The following CFHR2 variants were observed in gnomAD, a reference collection of about 807,000 sequenced individuals.
CFHR2 encodes complement factor H-related protein 2.
Under a neutral mutation model 21.7 loss-of-function variants are expected in CFHR2, and 22 were observed. The observed-to-expected ratio is 1.01, with a 90% CI of 0.72 to 1.45. The LOEUF is 1.45. Among genes scored for constraint, CFHR2 ranks in the 40% most tolerant of loss-of-function variants. The probability of loss-of-function intolerance (pLI) is 0.00; values close to 1 mark genes in which losing one functional copy is unlikely to be tolerated. For synonymous variants in CFHR2, 98 were observed against 97.4 expected, an observed-to-expected ratio of 1.01 and a Z score of -0.04; for missense variants, 294 against 293.3, an observed-to-expected ratio of 1.00 and a Z score of -0.02.
At chr1:196,953,488 G>A (rs78099544) in intron 3 of CFHR2, among the ~76,000 whole-genome samples, 2,830 of 152,134 alleles carry the variant, frequency 0.019, 88 homozygotes, top group African/African-American at 0.064. Context: ...TCACCAAATT[G>A]GCCAGGCTGG....
chr1:196,958,752 C>T, intron 4 of CFHR2, 129 bp from the exon 5 acceptor site: 4 of 609,188 alleles, frequency 6.6e-6, no homozygotes, highest in Non-Finnish European at 8.6e-6. Context: ...TTTGTTTTTA[C>T]AGCATTAGTT....
intron 1 of CFHR2, among the ~76,000 whole-genome samples, chr1:196,949,211 G>A (rs188313750): frequency 2.3e-3 from 346 of 152,148 alleles, no homozygotes; most frequent in Non-Finnish European, 3.4e-3. Flanking sequence ...TTGCAGGAGA[G>A]TTCATATTTC....
intron 3 of CFHR2, among the ~76,000 whole-genome samples, chr1:196,956,830 G>T (rs189558134): frequency 2.1e-4 from 32 of 150,800 alleles, no homozygotes; most frequent in Admixed American, 1.9e-3. Context: ...ATTTATTCTA[G>T]ATATTTTAGG....
In CFHR2 at chr1:196,948,332, G is replaced by T. The variant is rs116420446; in HGVS notation, c.59-1123G>T. Reference sequence around the variant, plus strand: ...TCTGTCGCCCCCAGGATGGTGTTTAGTGGCATGATCTCGGCTCACTGCAAC... The same window carrying T: ...TCTGTCGCCCCCAGGATGGTGTTTATTGGCATGATCTCGGCTCACTGCAAC... On this transcript the variant is annotated intron_variant, in intron 1 of 4. Transcript: ENST00000367415. Among the ~76,000 whole-genome samples, 1,154 of 152,050 alleles carry T rather than the reference G, an allele frequency of 7.6e-3. 18 individuals are homozygous for T. Among genetic ancestry groups the T allele is most frequent in the African/African-American group, 0.027 (1,102 of 41,466 alleles).
chr1:196,951,153 T>A, intron 3 of CFHR2, 125 bp downstream of exon 3: 1 of 1,176,654 alleles, frequency 8.5e-7, no homozygotes, highest in Non-Finnish European at 1.2e-6. Flanking sequence ...ATTATTCATT[T>A]GATTCTCAGT....
At chr1:196,946,298 T>C (rs1176600386) in intron 1 of CFHR2, among the ~76,000 whole-genome samples, 1 of 152,236 alleles carries the variant, frequency 6.6e-6, no homozygotes, top group Non-Finnish European at 1.5e-5. Context: ...CAGGTGGTTT[T>C]TGGTTACATG....
In CFHR2 at chr1:196,951,035, G is replaced by A. The variant is rs115541863; in HGVS notation, c.430+7G>A. 1,969 of 1,613,906 alleles carry A rather than the reference G, an allele frequency of 1.2e-3. 25 individuals carry two copies. The African/African-American group carries it at 0.024, about 19-fold the overall frequency. On this transcript the variant is annotated splice_region_variant and intron_variant, in intron 3 of 4. Coordinates refer to ENST00000367415, the MANE Select transcript of CFHR2 (RefSeq NM_005666.4). ...CCCAAATGCAGGTCCACTAGTAAGT[G>A]CAATGTTGTTCTCTCAGATGCTGTT...
chr1:196,951,262 G>A (rs1310141318), intron 3 of CFHR2, among the ~76,000 whole-genome samples: 1 of 152,130 alleles, frequency 6.6e-6, no homozygotes, highest in Non-Finnish European at 1.5e-5. Flanking sequence ...AATACACCTT[G>A]AAGATAATCC....
intron 1 of CFHR2, among the ~76,000 whole-genome samples, chr1:196,944,772 C>T (rs1408839193): frequency 6.6e-6 from 1 of 151,804 alleles, no homozygotes; most frequent in Admixed American, 6.6e-5. Flanking sequence ...TTTATTTGAA[C>T]AGTTTCTCAT....
chr1:196,952,709 T>C (rs1259791948), intron 3 of CFHR2, among the ~76,000 whole-genome samples: 1 of 152,256 alleles, frequency 6.6e-6, no homozygotes, highest in Non-Finnish European at 1.5e-5. Context: ...GTTTAATTCA[T>C]GTTTTCCCTG....
intron 1 of CFHR2, among the ~76,000 whole-genome samples, chr1:196,946,885 T>C (rs1161573625): frequency 6.6e-6 from 1 of 152,260 alleles, no homozygotes; most frequent in Non-Finnish European, 1.5e-5. Flanking sequence ...CATCATCAAG[T>C]ATTATGTACT....
At position 196,952,083 on chromosome 1, in the gene CFHR2, A is replaced by G. The variant is rs114014071; in HGVS notation, c.430+1055A>G. ...TATGCCTTTCAAAAGATGTTATGTTATCAAATATTATTCCACACCTTTAAT... is the reference window on the plus strand; with the variant it reads ...TATGCCTTTCAAAAGATGTTATGTTGTCAAATATTATTCCACACCTTTAAT... On this transcript the variant is annotated intron_variant, in intron 3 of 4. Transcript: ENST00000367415. Among the ~76,000 whole-genome samples the G allele has an allele frequency of 6.2e-3, 941 of 152,262 alleles. 13 individuals carry two copies. The highest frequency in any genetic ancestry group is 0.022 in the African/African-American group (902 of 41,546).
In CFHR2 at chr1:196,958,873, A is replaced by G. The variant is rs1447041203; in HGVS notation, c.614-8A>G. ...TAATGTTTTATGTTCATTTTTTTCT[A>G]CTTTCAGATCCATGTGTAATATCAC... On this transcript the variant is annotated splice_region_variant and splice_polypyrimidine_tract_variant and intron_variant, in intron 4 of 4. Transcript: ENST00000367415. 1.3e-6 allele frequency: 2 copies of G among 1,528,070 alleles called. No individual in the cohort carries two copies. Among genetic ancestry groups the G allele is most frequent in the Admixed American group, 1.7e-5 (1 of 57,672 alleles). The allele number at this position is 1,528,070 out of a possible 1,614,324, so 94.7% of individuals were successfully genotyped here.
chr1:196,949,359 G>T (rs1659636736), intron 1 of CFHR2, 96 bp from the exon 2 acceptor site: 32 of 1,266,450 alleles, frequency 2.5e-5, no homozygotes, highest in Non-Finnish European at 3.4e-5. Flanking sequence ...TAAGCTAAAT[G>T]AAAGAAAAAA....
At chr1:196,954,947 G>A (rs984353612) in intron 3 of CFHR2, among the ~76,000 whole-genome samples, 3 of 152,200 alleles carry the variant, frequency 2.0e-5, no homozygotes, top group Admixed American at 6.5e-5. Flanking sequence ...TCTCTGACAT[G>A]TCCTGGAGTC....
At chr1:196,954,864 A>G (rs1652808369) in intron 3 of CFHR2, among the ~76,000 whole-genome samples, 1 of 152,260 alleles carries the variant, frequency 6.6e-6, no homozygotes, top group Non-Finnish European at 1.5e-5. Context: ...TGCACACAGC[A>G]GCAGGGCCCA....
Position 196,944,927 on chromosome 1 carries a change from A to G in CFHR2, c.58+989A>G, listed in dbSNP as rs1021711451. ...CTTTCACTCTTGTTTCCCAGGCTGG[A>G]GTGCAATGGTGTGATTTCGGCTCAC... is the stretch of plus-strand genomic sequence containing the variant. On this transcript the variant is annotated intron_variant, in intron 1 of 4. Transcript: ENST00000367415. Among the ~76,000 whole-genome samples, 4 of 148,654 alleles carry G rather than the reference A, an allele frequency of 2.7e-5. No individual in the cohort carries two copies. In the Admixed American group the frequency reaches 2.7e-4, roughly 10 times the overall value.
intron 3 of CFHR2, among the ~76,000 whole-genome samples, chr1:196,952,834 T>C (rs746225122): frequency 2.0e-5 from 3 of 152,228 alleles, no homozygotes; most frequent in Non-Finnish European, 2.9e-5. Context: ...GCACATTTTA[T>C]TTAAGCTGAC....
At chr1:196,953,741 T>C (rs958025561) in intron 3 of CFHR2, among the ~76,000 whole-genome samples, 4 of 152,212 alleles carry the variant, frequency 2.6e-5, no homozygotes, top group African/African-American at 9.6e-5. Flanking sequence ...TGGGATTTGC[T>C]TGAGTAAACT....
Sources: allele counts gnomAD v4.1 joint callset (sites outside exome capture counted in the v4.1 genomes callset), GRCh38; gene constraint gnomAD v4.1.1; transcripts MANE v1.5; gene names NCBI Gene and HGNC (gene_info 2026-07-23, HGNC 2026-07-21).